Variants in HSD17B12 observed in about 807,000 individuals in gnomAD.
HSD17B12 encodes the protein very-long-chain 3-oxoacyl-CoA reductase.
HSD17B12 carries 32 observed loss-of-function variants against 39.3 expected under a neutral mutation model. That is an observed-to-expected ratio of 0.81 (90% CI 0.61 to 1.09). The LOEUF (loss-of-function observed/expected upper bound fraction) is 1.09. HSD17B12 is among the 50% of genes least tolerant of loss of function. HSD17B12 has a pLI of 0.00. For synonymous variants in HSD17B12, 150 were observed against 146.7 expected (o/e 1.02, Z -0.16); for missense variants, 342 against 382.9 (o/e 0.89, Z 0.89).
At chr11:43,799,350 G>A (rs962707653) in intron 4 of HSD17B12, among the ~76,000 whole-genome samples, 1 of 152,020 alleles carries the variant, frequency 6.6e-6, no homozygotes, top group Non-Finnish European at 1.5e-5. Context: ...AAGATTGAGT[G>A]GTTCAGCTGG....
rs115517453 is a variant in HSD17B12 at position 43,691,586 on chromosome 11, C to A, written c.160+10599C>A. Among the ~76,000 whole-genome samples, 1,408 of 152,306 alleles carry A rather than the reference C, an allele frequency of 9.2e-3. 17 individuals carry two copies. Among genetic ancestry groups the A allele is most frequent in the African/African-American group, 0.033 (1,375 of 41,562 alleles). ...TATATTGCCTCCCTACCAAATCTTA[C>A]ACTCACTCTGGCGCAAGTTTAATCT... On this transcript the variant is annotated intron_variant, in intron 1 of 10. Transcript: ENST00000278353.
chr11:43,791,902 TA>T (rs1270809539), intron 3 of HSD17B12, among the ~76,000 whole-genome samples: 1 of 152,230 alleles, frequency 6.6e-6, no homozygotes, highest in Non-Finnish European at 1.5e-5. Flanking sequence ...GAGCTATGAT[TA>T]ATTTTTTGGA....
intron 9 of HSD17B12, among the ~76,000 whole-genome samples, chr11:43,843,357 G>A (rs1951444832): frequency 6.6e-6 from 1 of 152,156 alleles, no homozygotes; most frequent in African/African-American, 2.4e-5. Flanking sequence ...TGGACTAGGA[G>A]TATTTATCAG....
chr11:43,662,590 A>G, the HSD17B12 span, among the ~76,000 whole-genome samples: 132 of 152,258 alleles, frequency 8.7e-4, no homozygotes, highest in African/African-American at 3.0e-3. Flanking sequence ...ATCTCAAATC[A>G]GAGCAAAGCT....
chr11:43,766,168 T>C (rs887620043), intron 3 of HSD17B12, among the ~76,000 whole-genome samples: 2 of 152,228 alleles, frequency 1.3e-5, no homozygotes, highest in African/African-American at 4.8e-5. Context: ...CTTGAACATA[T>C]AGAATATATC....
At chr11:43,626,161 A>G in the HSD17B12 span, among the ~76,000 whole-genome samples, 3 of 151,574 alleles carry the variant, frequency 2.0e-5, no homozygotes, top group Admixed American at 1.3e-4. Flanking sequence ...CTTGTAAGAC[A>G]ATTGGAAATT....
intron 3 of HSD17B12, among the ~76,000 whole-genome samples, chr11:43,792,955 G>T (rs1449939720): frequency 6.6e-6 from 1 of 152,100 alleles, no homozygotes; most frequent in East Asian, 1.9e-4. Context: ...CAGCTGTGTT[G>T]GCCTAGCTTT....
chr11:43,777,649 T>G (rs1950720307), intron 3 of HSD17B12, among the ~76,000 whole-genome samples: 1 of 152,218 alleles, frequency 6.6e-6, no homozygotes, highest in Non-Finnish European at 1.5e-5. Context: ...CTATGTTGAA[T>G]AGGAGTGGTA....
chr11:43,788,631 C>T (rs1475432404), intron 3 of HSD17B12, among the ~76,000 whole-genome samples: 3 of 147,446 alleles, frequency 2.0e-5, no homozygotes, highest in Non-Finnish European at 3.0e-5. Context: ...TGCCACCTGT[C>T]GCTTTTTATA....
chr11:43,812,300 T>C (rs12360559), intron 4 of HSD17B12, among the ~76,000 whole-genome samples: 8,917 of 152,254 alleles, frequency 0.059, 442 homozygotes, highest in Non-Finnish European at 0.084. Flanking sequence ...CTCCATACTG[T>C]TTTCCACAGT....
chr11:43,776,322 T>A (rs530087795), intron 3 of HSD17B12, among the ~76,000 whole-genome samples: 155 of 152,224 alleles, frequency 1.0e-3, no homozygotes, highest in African/African-American at 3.7e-3. Context: ...TGGTATCTCA[T>A]TGTGGTTTTG....
chr11:43,650,762 A>C, the HSD17B12 span, among the ~76,000 whole-genome samples: 1 of 152,214 alleles, frequency 6.6e-6, no homozygotes. Flanking sequence ...AGTAGTCCCC[A>C]CTTATTCACA....
At chr11:43,682,206 G>A (rs1949752785) in intron 1 of HSD17B12, among the ~76,000 whole-genome samples, 1 of 152,206 alleles carries the variant, frequency 6.6e-6, no homozygotes, top group South Asian at 2.1e-4. Flanking sequence ...TTTGGACGAT[G>A]TGGAGCAACA....
intron 1 of HSD17B12, among the ~76,000 whole-genome samples, chr11:43,683,405 A>G (rs1408310710): frequency 6.6e-6 from 1 of 150,570 alleles, no homozygotes; most frequent in Non-Finnish European, 1.5e-5. Flanking sequence ...TTTTTTTTTT[A>G]AATGCTTAAG....
At chr11:43,603,136 A>T in the HSD17B12 span, among the ~76,000 whole-genome samples, 1 of 152,182 alleles carries the variant, frequency 6.6e-6, no homozygotes. Context: ...GTACCACTGC[A>T]TATTGACTCC....
the HSD17B12 span, among the ~76,000 whole-genome samples, chr11:43,650,999 G>A: frequency 6.6e-6 from 1 of 152,186 alleles, no homozygotes; most frequent in African/African-American, 2.4e-5. Flanking sequence ...ACGCACTGAG[G>A]GTCTTGGAAT....
the HSD17B12 span, among the ~76,000 whole-genome samples, chr11:43,657,316 C>T: frequency 6.6e-6 from 1 of 152,176 alleles, no homozygotes; most frequent in South Asian, 2.1e-4. Flanking sequence ...AAATGGGTTT[C>T]CTGAATACAG....
At chr11:43,616,753 A>G in the HSD17B12 span, among the ~76,000 whole-genome samples, 1 of 144,084 alleles carries the variant, frequency 6.9e-6, no homozygotes, top group African/African-American at 2.6e-5. Context: ...ATATTAGAGA[A>G]CCATCTTCTT....
chr11:43,734,407 G>A, intron 1 of HSD17B12: 1 of 788,822 alleles, frequency 1.3e-6, no homozygotes. Context: ...GTGACTCTAA[G>A]GCAGCCGAGC....
Sources: allele counts gnomAD v4.1 joint callset (sites outside exome capture counted in the v4.1 genomes callset), GRCh38; gene constraint gnomAD v4.1.1; transcripts MANE v1.5; gene names NCBI Gene and HGNC (gene_info 2026-07-23, HGNC 2026-07-21).